Variants in EVL observed in about 807,000 individuals in gnomAD.
EVL encodes the protein Enah/Vasp-like, also known as ena/VASP-like protein.
In EVL, 21 loss-of-function variants were observed where a neutral mutation model predicts 59.6. The ratio of observed to expected loss-of-function variants is 0.35; its 90% confidence interval spans 0.25 to 0.51. The LOEUF is 0.51. Ranked by LOEUF, EVL falls within the 20% of genes least tolerant of loss-of-function variation. The probability of loss-of-function intolerance (pLI) is 0.97; values close to 1 mark genes in which losing one functional copy is unlikely to be tolerated. For synonymous variants in EVL, 198 were observed against 203.5 expected, an observed-to-expected ratio of 0.97 and a Z score of 0.23; for missense variants, 462 against 546.6, an observed-to-expected ratio of 0.85 and a Z score of 1.54.
chr14:100,039,800 A>G (rs1376815954), intron 1 of EVL, among the ~76,000 whole-genome samples: 1 of 151,558 alleles, frequency 6.6e-6, no homozygotes, highest in Non-Finnish European at 1.5e-5. Context: ...TTTTGTTTTT[A>G]ATAGAGACAG....
chr14:100,081,629 C>G (rs1245877024), intron 1 of EVL, among the ~76,000 whole-genome samples: 2 of 152,122 alleles, frequency 1.3e-5, no homozygotes, highest in African/African-American at 2.4e-5. Flanking sequence ...TCTGTAACTC[C>G]CCTAAAAGGT....
intron 1 of EVL, among the ~76,000 whole-genome samples, chr14:99,991,965 TG>T (rs2060878526): frequency 8.5e-6 from 1 of 117,134 alleles, no homozygotes; most frequent in South Asian, 2.7e-4. Flanking sequence ...CAACTCTGTG[TG>T]TGTGTGTGTG....
intron 1 of EVL, among the ~76,000 whole-genome samples, chr14:99,979,268 T>G (rs1176143902): frequency 6.6e-6 from 1 of 152,018 alleles, no homozygotes; most frequent in African/African-American, 2.4e-5. Flanking sequence ...CACCCACATA[T>G]ACACAATATG....
chr14:100,006,706 G>A (rs961745963), intron 1 of EVL, among the ~76,000 whole-genome samples: 3 of 151,374 alleles, frequency 2.0e-5, no homozygotes, highest in South Asian at 2.1e-4. Flanking sequence ...TCTCAAATTC[G>A]TCTTCCCTGT....
chr14:100,025,828 C>T (rs755383726), intron 1 of EVL, among the ~76,000 whole-genome samples: 9 of 152,172 alleles, frequency 5.9e-5, no homozygotes, highest in Non-Finnish European at 7.4e-5. Flanking sequence ...CCTAGCTACT[C>T]GGGAGGCTGA....
chr14:100,049,941 TGTTCCCAAG>T (rs2061619705), intron 1 of EVL, among the ~76,000 whole-genome samples: 1 of 152,232 alleles, frequency 6.6e-6, no homozygotes. Context: ...CGTAGCCTAA[TGTTCCCAAG>T]GTTCATCCAT....
chr14:100,090,243 A>G (rs2062536471), intron 2 of EVL, among the ~76,000 whole-genome samples: 1 of 152,242 alleles, frequency 6.6e-6, no homozygotes, highest in African/African-American at 2.4e-5. Context: ...ACAAATTGCC[A>G]ATATAATGAA....
intron 1 of EVL, among the ~76,000 whole-genome samples, chr14:99,987,568 G>A (rs1228339096): frequency 1.3e-5 from 2 of 152,208 alleles, no homozygotes; most frequent in Non-Finnish European, 2.9e-5. Context: ...CTTGAACCCG[G>A]GAGGTGGAGG....
intron 3 of EVL, among the ~76,000 whole-genome samples, chr14:100,098,345 A>T (rs1216452488): frequency 6.6e-6 from 1 of 152,176 alleles, no homozygotes; most frequent in Non-Finnish European, 1.5e-5. Context: ...AGGCGGGAAA[A>T]GCAGCAAAGG....
intron 1 of EVL, among the ~76,000 whole-genome samples, chr14:100,027,184 T>C (rs58672209): frequency 0.015 from 2,241 of 152,366 alleles, 58 homozygotes; most frequent in African/African-American, 0.051. Context: ...CAGTGTACAA[T>C]GTGTAATGAT....
chr14:100,128,193 G>A (rs1344802375), intron 5 of EVL, among the ~76,000 whole-genome samples: 1 of 152,214 alleles, frequency 6.6e-6, no homozygotes, highest in Non-Finnish European at 1.5e-5. Context: ...GGCACAGACT[G>A]TAACCAGACA....
intron 1 of EVL, among the ~76,000 whole-genome samples, chr14:100,023,318 C>T (rs898735331): frequency 6.6e-6 from 1 of 151,332 alleles, no homozygotes; most frequent in Non-Finnish European, 1.5e-5. Context: ...AATTCTCCTG[C>T]CCTAGCCTCC....
intron 1 of EVL, among the ~76,000 whole-genome samples, chr14:99,973,148 T>G (rs997288442): frequency 6.6e-6 from 1 of 152,210 alleles, no homozygotes; most frequent in Non-Finnish European, 1.5e-5. Context: ...ATTGGGTAGA[T>G]ATCTAGTAGA....
chr14:100,082,056 G>A (rs528488103), intron 1 of EVL, among the ~76,000 whole-genome samples: 1 of 152,260 alleles, frequency 6.6e-6, no homozygotes, highest in Admixed American at 6.5e-5. Flanking sequence ...CCTGGGAGGC[G>A]GAGGTTGCAG....
At chr14:100,081,198 G>A (rs535043053) in intron 1 of EVL, among the ~76,000 whole-genome samples, 1 of 152,300 alleles carries the variant, frequency 6.6e-6, no homozygotes, top group South Asian at 2.1e-4. Context: ...TGCCTAGGGA[G>A]GGTGTGTATG....
intron 13 of EVL, among the ~76,000 whole-genome samples, chr14:100,143,450 C>G (rs1055483633): frequency 6.6e-6 from 1 of 152,204 alleles, no homozygotes; most frequent in African/African-American, 2.4e-5. Context: ...AGGGCACAGG[C>G]CTCTGTCCCT....
chr14:100,069,973 T>A (rs1331988435), intron 1 of EVL, among the ~76,000 whole-genome samples: 2 of 148,128 alleles, frequency 1.4e-5, no homozygotes, highest in African/African-American at 2.5e-5. Context: ...ACTCCTGTAA[T>A]CCCAACACTT....
At chr14:100,053,951 T>C (rs547659137) in intron 1 of EVL, among the ~76,000 whole-genome samples, 2 of 152,106 alleles carry the variant, frequency 1.3e-5, no homozygotes, top group African/African-American at 4.8e-5. Context: ...CCAGCCCCTC[T>C]TGCATAGTTC....
intron 1 of EVL, among the ~76,000 whole-genome samples, chr14:100,031,564 G>T (rs200335240): frequency 6.6e-6 from 1 of 152,188 alleles, no homozygotes; most frequent in African/African-American, 2.4e-5. Flanking sequence ...AGTGTGGCTT[G>T]TACAGACTAC....
Sources: allele counts gnomAD v4.1 joint callset (sites outside exome capture counted in the v4.1 genomes callset), GRCh38; gene constraint gnomAD v4.1.1; transcripts MANE v1.5; gene names NCBI Gene and HGNC (gene_info 2026-07-23, HGNC 2026-07-21).